The following SEMA6D variants were observed in gnomAD, a reference collection of about 807,000 sequenced individuals.
The protein encoded by SEMA6D is semaphorin 6D, also known as semaphorin-6D.
In SEMA6D, 35 loss-of-function variants were observed where a neutral mutation model predicts 106.6. That is an observed-to-expected ratio of 0.33 (90% CI 0.25 to 0.44). SEMA6D has a LOEUF of 0.44. Ranked by LOEUF, SEMA6D falls within the 20% of genes least tolerant of loss-of-function variation. The pLI, the probability that SEMA6D is intolerant of heterozygous loss-of-function variation, is 1.00. For synonymous variants in SEMA6D, 499 were observed against 487.7 expected (o/e 1.02, Z -0.31); for missense variants, 1,185 against 1,345.9 (o/e 0.88, Z 1.87).
rs369451587 is a variant in SEMA6D at position 47,772,357 on chromosome 15, C to CAT, written c.*572_*573insAT. 3.5e-5 allele frequency: 5 copies of CAT among 141,546 alleles called. No individual in the cohort carries two copies. Among genetic ancestry groups the CAT allele is most frequent in the Non-Finnish European group, 6.0e-5 (4 of 66,140 alleles). 8.8% of individuals were successfully genotyped at this position (141,546 alleles called of 1,614,324 possible). Reference sequence around the variant, plus strand: ...CACCAACAAACTTGTTGTGTGTGTGCGTGTGTGTGTGTGTGTGTGTGTGTG... The same window carrying CAT: ...CACCAACAAACTTGTTGTGTGTGTGCATGTGTGTGTGTGTGTGTGTGTGTGTG... On this transcript the variant is annotated 3_prime_UTR_variant, in exon 19 of 19. Coordinates refer to ENST00000536845, the MANE Select transcript of SEMA6D (RefSeq NM_001358351.3).
At chr15:47,730,450 G>C (rs985617189) in intron 1 of SEMA6D, 2 of 1,387,724 alleles carry the variant, frequency 1.4e-6, no homozygotes, top group East Asian at 2.3e-5. Flanking sequence ...CAACCAGCTC[G>C]ATGGGATCCA....
At chr15:47,231,747 C>A (rs1268779070) in intron 1 of SEMA6D, among the ~76,000 whole-genome samples, 3 of 151,884 alleles carry the variant, frequency 2.0e-5, no homozygotes, top group Non-Finnish European at 2.9e-5. Context: ...TAATTCTTAC[C>A]CTGCTTTCAT....
intron 4 of SEMA6D, among the ~76,000 whole-genome samples, chr15:47,679,671 T>C (rs1266394571): frequency 6.6e-6 from 1 of 152,232 alleles, no homozygotes; most frequent in Non-Finnish European, 1.5e-5. Context: ...TTTTATTTTT[T>C]AACTTGATAA....
intron 4 of SEMA6D, 29 bp downstream of exon 4, chr15:47,761,067 T>G: frequency 1.2e-6 from 2 of 1,612,476 alleles, no homozygotes; most frequent in Non-Finnish European, 1.7e-6. Flanking sequence ...CAAATTTATT[T>G]ACCTTCCCTC....
chr15:47,681,068 C>T lies in SEMA6D; in HGVS notation c.-54-78677C>T, dbSNP rs1217039480. On this transcript the variant is annotated intron_variant, in intron 4 of 19. Coordinates refer to the SEMA6D transcript ENST00000558014. The stretch of plus-strand genomic sequence containing the variant: ...AAACTAGAACTACTATATGATCCAA[C>T]AATCCCACTTCTGGGTATTTATGCA... Among the ~76,000 whole-genome samples, 6 of 152,202 alleles carry T rather than the reference C, an allele frequency of 3.9e-5. No individual in the cohort carries two copies. The South Asian group carries it at 1.2e-3, about 31-fold the overall frequency.
At chr15:47,758,782 C>A (rs891825729) in intron 1 of SEMA6D, among the ~76,000 whole-genome samples, 53 of 152,160 alleles carry the variant, frequency 3.5e-4, no homozygotes, top group African/African-American at 1.3e-3. Context: ...CATTTATGTT[C>A]TCCTTTCCAT....
chr15:47,184,997 A>C (rs1398095825), intron 1 of SEMA6D, among the ~76,000 whole-genome samples: 1 of 151,608 alleles, frequency 6.6e-6, no homozygotes, highest in Non-Finnish European at 1.5e-5. Flanking sequence ...CTTGGGGTTT[A>C]GAGGGGAAGG....
At chr15:47,210,908 GT>G (rs924885225) in intron 1 of SEMA6D, among the ~76,000 whole-genome samples, 2 of 150,108 alleles carry the variant, frequency 1.3e-5, no homozygotes. Flanking sequence ...TTAATACAGT[GT>G]TTTTTTTTGT....
chr15:47,494,741 G>GATTTAT (rs1555448707), intron 3 of SEMA6D, among the ~76,000 whole-genome samples: 2 of 32,974 alleles, frequency 6.1e-5, no homozygotes, highest in African/African-American at 1.3e-4. Flanking sequence ...GTGGGATGGA[G>GATTTAT]ATATATATAT....
chr15:47,748,370 A>T (rs2081257365), intron 1 of SEMA6D, among the ~76,000 whole-genome samples: 1 of 152,244 alleles, frequency 6.6e-6, no homozygotes, highest in South Asian at 2.1e-4. Context: ...TTTACTGAGG[A>T]CCTGCCAGGT....
At chr15:47,623,377 C>T (rs2077144180) in intron 4 of SEMA6D, among the ~76,000 whole-genome samples, 2 of 152,156 alleles carry the variant, frequency 1.3e-5, no homozygotes, top group South Asian at 4.1e-4. Context: ...CTCATTTATT[C>T]CTCCCAATAA....
chr15:47,280,216 G>T (rs1047995849), intron 1 of SEMA6D, among the ~76,000 whole-genome samples: 1 of 152,084 alleles, frequency 6.6e-6, no homozygotes, highest in African/African-American at 2.4e-5. Context: ...CCTGTTATTG[G>T]TCTATTCAGA....
chr15:47,504,323 A>G (rs2043962376), intron 3 of SEMA6D, among the ~76,000 whole-genome samples: 1 of 151,710 alleles, frequency 6.6e-6, no homozygotes, highest in Admixed American at 6.6e-5. Context: ...CACCACCCCC[A>G]CCTTGAGTGA....
chr15:47,711,934 A>G (rs763425862), intron 4 of SEMA6D, among the ~76,000 whole-genome samples: 10 of 152,198 alleles, frequency 6.6e-5, no homozygotes, highest in Non-Finnish European at 1.2e-4. Context: ...AAAACAATCA[A>G]TGCTTAAGAT....
intron 1 of SEMA6D, among the ~76,000 whole-genome samples, chr15:47,231,594 G>T (rs113345253): frequency 2.6e-5 from 4 of 151,984 alleles, no homozygotes; most frequent in African/African-American, 9.6e-5. Context: ...TCCAGAATTG[G>T]CCATTTACTA....
At chr15:47,430,012 G>A (rs1382654367) in intron 2 of SEMA6D, among the ~76,000 whole-genome samples, 6 of 152,088 alleles carry the variant, frequency 3.9e-5, no homozygotes, top group African/African-American at 9.7e-5. Flanking sequence ...ACATCTGAAA[G>A]TAAGAGGCTC....
intron 1 of SEMA6D, among the ~76,000 whole-genome samples, chr15:47,749,512 A>G (rs1279605895): frequency 1.3e-5 from 2 of 152,208 alleles, no homozygotes; most frequent in Admixed American, 1.3e-4. Context: ...AAAATTTGAA[A>G]GTTAAGTAAC....
chr15:47,394,143 C>T (rs1217612084), intron 1 of SEMA6D, among the ~76,000 whole-genome samples: 1 of 152,126 alleles, frequency 6.6e-6, no homozygotes, highest in Non-Finnish European at 1.5e-5. Flanking sequence ...GAGGACTAGG[C>T]TCCCTCAGGA....
At chr15:47,698,353 A>C (rs2078742224) in intron 4 of SEMA6D, among the ~76,000 whole-genome samples, 1 of 152,208 alleles carries the variant, frequency 6.6e-6, no homozygotes, top group Non-Finnish European at 1.5e-5. Context: ...AAAATGATCA[A>C]ATTTTCCAAT....
Sources: gnomAD v4.1 joint callset for allele counts (sites outside exome capture counted in the v4.1 genomes callset) on GRCh38, gnomAD v4.1.1 for gene constraint, MANE v1.5 for transcripts, NCBI Gene and HGNC (gene_info 2026-07-23, HGNC 2026-07-21) for gene names.